The following PRKG1 variants were observed in gnomAD, a reference collection of about 807,000 sequenced individuals.
PRKG1 encodes the protein cGMP-dependent protein kinase 1.
In PRKG1, 35 loss-of-function variants were observed where a neutral mutation model predicts 88.1. The ratio of observed to expected loss-of-function variants is 0.40; its 90% CI spans 0.30 to 0.53. The LOEUF (loss-of-function observed/expected upper bound fraction) is 0.53. PRKG1 is among the 20% of genes least tolerant of loss of function. PRKG1 has a pLI of 0.59. For missense variants in PRKG1, 540 were observed against 839.8 expected, an observed-to-expected ratio of 0.64 and a Z score of 4.41; for synonymous variants, 303 against 292.5, an observed-to-expected ratio of 1.04 and a Z score of -0.37.
At chr10:51,552,176 T>C (rs1245400607) in intron 3 of PRKG1, among the ~76,000 whole-genome samples, 1 of 151,690 alleles carries the variant, frequency 6.6e-6, no homozygotes, top group Non-Finnish European at 1.5e-5. Flanking sequence ...ATATAAACAC[T>C]AGAAAAATCT....
intron 1 of PRKG1, among the ~76,000 whole-genome samples, chr10:51,108,498 C>CAAAACA (rs1172385385): frequency 6.6e-6 from 1 of 151,880 alleles, no homozygotes; most frequent in East Asian, 1.9e-4. Context: ...CAAAAACAAG[C>CAAAACA]AAAACAAAAA....
chr10:51,484,942 G>T (rs1386150278), intron 3 of PRKG1, among the ~76,000 whole-genome samples: 1 of 152,178 alleles, frequency 6.6e-6, no homozygotes, highest in Non-Finnish European at 1.5e-5. Context: ...AATTAGCACT[G>T]ATTAGCAAAG....
At chr10:52,289,015 T>C (rs930470701) in intron 16 of PRKG1, 22 bp downstream of exon 16, 2 of 1,586,184 alleles carry the variant, frequency 1.3e-6, no homozygotes, top group Non-Finnish European at 1.7e-6. Flanking sequence ...TTCTGCAGAG[T>C]TCTGAACACG....
In PRKG1 at chr10:52,009,016, A is replaced by C. The variant is rs777787067; in HGVS notation, c.763-45468A>C. On this transcript the variant is annotated intron_variant, in intron 5 of 17. Transcript: ENST00000373980. Reference sequence around the variant, plus strand: ...AAACCCTCGATAAACTAGGCATTGAAGAAATATACTTCAAAAAAATAAAAG... The same window carrying C: ...AAACCCTCGATAAACTAGGCATTGACGAAATATACTTCAAAAAAATAAAAG... Among the ~76,000 whole-genome samples the C allele has an allele frequency of 4.4e-4, 67 of 152,236 alleles. No individual in the cohort carries two copies. In the Middle Eastern group the frequency reaches 0.017, roughly 39 times the overall value.
chr10:51,158,441 C>T (rs1846270980), intron 2 of PRKG1, among the ~76,000 whole-genome samples: 1 of 151,486 alleles, frequency 6.6e-6, no homozygotes, highest in South Asian at 2.1e-4. Context: ...CTTGAGGAGC[C>T]CATAAAAGAT....
intron 5 of PRKG1, among the ~76,000 whole-genome samples, chr10:51,934,097 T>G (rs574042451): frequency 6.6e-6 from 1 of 152,026 alleles, no homozygotes; most frequent in East Asian, 1.9e-4. Context: ...TAGAACCACA[T>G]CAAAATTGAA....
intron 4 of PRKG1, among the ~76,000 whole-genome samples, chr10:51,864,471 A>C (rs1222662973): frequency 6.6e-6 from 1 of 152,242 alleles, no homozygotes. Flanking sequence ...ATTTAAGCTA[A>C]TCTGTTGACT....
intron 7 of PRKG1, among the ~76,000 whole-genome samples, chr10:52,110,507 AT>A (rs1209054473): frequency 1.3e-5 from 2 of 151,870 alleles, no homozygotes; most frequent in African/African-American, 2.4e-5. Context: ...TCAGAAAAAT[AT>A]TGAGAAAATT....
At chr10:51,317,096 C>A (rs1441487806) in intron 2 of PRKG1, among the ~76,000 whole-genome samples, 2 of 152,146 alleles carry the variant, frequency 1.3e-5, no homozygotes, top group Non-Finnish European at 2.9e-5. Flanking sequence ...TATTTTTTCC[C>A]CTTCACACCT....
intron 2 of PRKG1, among the ~76,000 whole-genome samples, chr10:51,462,512 T>C (rs1839772348): frequency 1.3e-5 from 2 of 152,178 alleles, no homozygotes; most frequent in South Asian, 4.1e-4. Context: ...ATGGATCCCT[T>C]AATGCTTAAC....
chr10:51,714,378 A>G (rs1033664475), intron 3 of PRKG1, among the ~76,000 whole-genome samples: 3 of 151,510 alleles, frequency 2.0e-5, no homozygotes, highest in Non-Finnish European at 2.9e-5. Context: ...CCATGTAAAC[A>G]CCATGGGAGA....
intron 2 of PRKG1, among the ~76,000 whole-genome samples, chr10:51,426,998 A>T (rs1838607181): frequency 1.3e-5 from 2 of 151,970 alleles, no homozygotes; most frequent in South Asian, 4.2e-4. Context: ...TTGGTTGGTG[A>T]TTGTTTTTAA....
intron 5 of PRKG1, among the ~76,000 whole-genome samples, chr10:51,962,261 T>C (rs1169873535): frequency 6.6e-6 from 1 of 152,272 alleles, no homozygotes; most frequent in Non-Finnish European, 1.5e-5. Context: ...TGTCAGATAC[T>C]GAGGCATTCA....
At chr10:51,155,785 G>A (rs1397820099) in intron 2 of PRKG1, among the ~76,000 whole-genome samples, 2 of 151,864 alleles carry the variant, frequency 1.3e-5, no homozygotes, top group Non-Finnish European at 1.5e-5. Context: ...GGGAAAGATG[G>A]GACTTTTTTC....
At chr10:51,910,622 T>G (rs1842195310) in intron 5 of PRKG1, 1 of 152,208 alleles carries the variant, frequency 6.6e-6, no homozygotes, top group South Asian at 2.1e-4. Flanking sequence ...TCTTGGACAC[T>G]AGAACATTTG....
At chr10:51,796,254 G>A (rs750208487) in intron 3 of PRKG1, among the ~76,000 whole-genome samples, 4 of 151,918 alleles carry the variant, frequency 2.6e-5, no homozygotes, top group Non-Finnish European at 5.9e-5. Context: ...TGTTATATAA[G>A]CAATATATAT....
At position 51,007,863 on chromosome 10, in the gene PRKG1, G is replaced by A. The variant is rs182951000; in HGVS notation, c.266+16219G>A. On this transcript the variant is annotated intron_variant, in intron 1 of 17. Coordinates refer to the PRKG1 transcript ENST00000401604. ...CAGCATTGTTAAGAGCTTACTTTGT[G>A]CAAGGTACTTTATTGGCATGAATTA... Among the ~76,000 whole-genome samples the A allele has an allele frequency of 2.6e-5, 4 of 152,346 alleles. No individual in the cohort carries two copies. In the East Asian group the frequency reaches 7.7e-4, roughly 29 times the overall value.
chr10:51,596,371 A>G (rs966705745), intron 3 of PRKG1, among the ~76,000 whole-genome samples: 4 of 152,140 alleles, frequency 2.6e-5, no homozygotes, highest in African/African-American at 9.7e-5. Context: ...TCTTCTTCCT[A>G]AGGGACACAC....
chr10:51,026,313 G>A (rs1338943390), intron 1 of PRKG1, among the ~76,000 whole-genome samples: 1 of 152,122 alleles, frequency 6.6e-6, no homozygotes, highest in Non-Finnish European at 1.5e-5. Flanking sequence ...AACATCCTGT[G>A]CCCCTCTCTC....
Sources: gnomAD v4.1 joint callset for allele counts (sites outside exome capture counted in the v4.1 genomes callset) on GRCh38, gnomAD v4.1.1 for gene constraint, MANE v1.5 for transcripts, NCBI Gene and HGNC (gene_info 2026-07-23, HGNC 2026-07-21) for gene names.